CSNK2A1: variants seen among roughly 807,000 people sequenced by gnomAD.
The protein encoded by CSNK2A1 is casein kinase 2 alpha 1.
A neutral mutation model predicts 62.9 loss-of-function variants in CSNK2A1; 10 were observed. That is an observed-to-expected ratio of 0.16 (90% CI 0.10 to 0.27). The LOEUF is 0.27. Among genes scored for constraint, CSNK2A1 ranks in the 10% least tolerant of loss-of-function variants. CSNK2A1 has a pLI of 1.00. For missense variants in CSNK2A1, 160 were observed against 492.0 expected (o/e 0.33, Z 6.38); for synonymous variants, 124 against 167.8 (o/e 0.74, Z 2.02).
chr20:524,884 A>T (rs1228127558), intron 2 of CSNK2A1, among the ~76,000 whole-genome samples: 1 of 151,816 alleles, frequency 6.6e-6, no homozygotes, highest in Non-Finnish European at 1.5e-5. Flanking sequence ...GGGAGACTGA[A>T]GAGGAAAGAT....
rs1005278187 is a variant in CSNK2A1, at chr20:489,885, C to T, written c.622-4G>A. 2.0e-6 allele frequency: 3 copies of T among 1,521,780 alleles called. No individual in the cohort carries two copies. The highest frequency in any genetic ancestry group is 3.4e-5 in the Admixed American group (2 of 58,564). The allele number at this position is 1,521,780 out of a possible 1,614,324, so 94.3% of individuals were successfully genotyped here. A position where few individuals can be genotyped will look rare whatever the true frequency, so the allele number is the denominator to read the frequency against. On this transcript the variant is annotated splice_polypyrimidine_tract_variant and splice_region_variant and intron_variant, in intron 9 of 13. Coordinates refer to ENST00000217244, the MANE Select transcript of CSNK2A1 (RefSeq NM_177559.3). ...TATCCAAACTATAATCGTACATCTG[C>T]ATAAAAGTAAACTCACTGTTATTAT... is the stretch of plus-strand genomic sequence containing the variant.
At chr20:488,831 A>G in intron 10 of CSNK2A1, 53 bp from the exon 11 acceptor site, 1 of 1,484,816 alleles carries the variant, frequency 6.7e-7, no homozygotes, top group Non-Finnish European at 9.3e-7. Flanking sequence ...ATATTAACAA[A>G]TCAACAATTA....
In CSNK2A1 at chr20:492,318, T is replaced by C. The variant is rs2018252841; in HGVS notation, c.557A>G (p.Gln186Arg). The change falls in exon 9 of 14, where the codon CAA (glutamine) becomes CGA (arginine). Residue 186 changes from glutamine (Q) to arginine (R), a missense_variant. Transcript: ENST00000217244. ...GGAAGCAACTCGGACATTATATTCT[T>C]GGCCAGGATGATAAAACTCAGCCAA... The part of the protein sequence containing the change: ...WGLAEFYHPG[Q>R]EYNVRVASRY... 1 of 1,614,034 alleles carries C rather than the reference T, an allele frequency of 6.2e-7. No homozygotes were observed.
intron 2 of CSNK2A1, among the ~76,000 whole-genome samples, chr20:520,712 C>T (rs1255892964): frequency 2.0e-5 from 3 of 152,156 alleles, no homozygotes. Context: ...ATTGCCTAGG[C>T]TGGTCTCAAA....
chr20:488,794 G>A lies in CSNK2A1; in HGVS notation c.724-16C>T. On this transcript the variant is annotated splice_polypyrimidine_tract_variant and intron_variant, in intron 10 of 13. Coordinates refer to ENST00000217244, the MANE Select transcript of CSNK2A1 (RefSeq NM_177559.3). ...TCCTCACCAACTAGTATTAAAGAAA[G>A]ACAAAAACCCATATCACAAGCATAT... is the stretch of plus-strand genomic sequence containing the variant. 1 of 1,590,168 alleles carries A rather than the reference G, an allele frequency of 6.3e-7. No homozygotes were observed. Among genetic ancestry groups the A allele is most frequent in the South Asian group, 1.1e-5 (1 of 88,344 alleles).
chr20:537,871 A>G (rs983929988), intron 1 of CSNK2A1, among the ~76,000 whole-genome samples: 4 of 152,122 alleles, frequency 2.6e-5, no homozygotes, highest in African/African-American at 9.7e-5. Flanking sequence ...ATGGCAAATC[A>G]TATTGGTTTT....
At chr20:485,120 A>AT (rs2018066375) in intron 13 of CSNK2A1, among the ~76,000 whole-genome samples, 1 of 93,594 alleles carries the variant, frequency 1.1e-5, no homozygotes, top group Non-Finnish European at 2.1e-5. Flanking sequence ...ATATATATAT[A>AT]TATATATATA....
intron 1 of CSNK2A1, among the ~76,000 whole-genome samples, chr20:531,844 A>G (rs1225015004): frequency 6.6e-6 from 1 of 152,248 alleles, no homozygotes; most frequent in East Asian, 1.9e-4. Context: ...ATACAGTAGC[A>G]TTCAGAGTTA....
chr20:487,950 C>T (rs2018134926), intron 11 of CSNK2A1: 2 of 279,336 alleles, frequency 7.2e-6, no homozygotes, highest in South Asian at 5.1e-5. Flanking sequence ...GCCTTTGCAT[C>T]AGGAAAGTCC....
chr20:505,036 A>T, intron 4 of CSNK2A1, 82 bp downstream of exon 4: 1 of 1,235,558 alleles, frequency 8.1e-7, no homozygotes, highest in Non-Finnish European at 1.1e-6. Flanking sequence ...AAAACCTTTT[A>T]AATGCTGTTT....
chr20:539,587 A>G lies in CSNK2A1; in HGVS notation c.-227+4085T>C, dbSNP rs760848253. The G allele has an allele frequency of 2.0e-5, 3 of 152,194 alleles. No homozygotes were observed. In the South Asian group the frequency reaches 6.2e-4, roughly 32 times the overall value. The allele number at this position is 152,194 out of a possible 1,614,324, so 9.4% of individuals were successfully genotyped here. ...CCAGAAAATCCAAGATAATCTACCT[A>G]AGATCCTTAACTTTAATTAAATCTA... On this transcript the variant is annotated intron_variant, in intron 1 of 13. Transcript: ENST00000217244.
At chr20:505,869 A>ATTTTTTTT (rs11483032) in intron 3 of CSNK2A1, 4 of 91,990 alleles carry the variant, frequency 4.3e-5, no homozygotes, top group African/African-American at 1.4e-4. Flanking sequence ...CAAGAGAATA[A>ATTTTTTTT]TTTTTTTTTT....
chr20:542,354 T>C (rs1031964775), intron 1 of CSNK2A1, among the ~76,000 whole-genome samples: 2 of 152,268 alleles, frequency 1.3e-5, no homozygotes, highest in African/African-American at 4.8e-5. Context: ...CTAGGCAGTC[T>C]GGTTTTTAAC....
At chr20:489,974 ACTCCACTGACTC>A in intron 9 of CSNK2A1, 93 bp from the exon 10 acceptor site, 1 of 816,446 alleles carries the variant, frequency 1.2e-6, no homozygotes, top group African/African-American at 1.8e-5. Context: ...AAAAAAAATC[ACTCCACTGACTC>A]AAAATCAAAA....
Position 489,851 on chromosome 20 carries a change from A to T in CSNK2A1, c.652T>A (p.Leu218Met). 3.1e-6 allele frequency: 5 copies of T among 1,613,154 alleles called. No individual in the cohort carries two copies. The highest frequency in any genetic ancestry group is 4.2e-6 in the Non-Finnish European group (5 of 1,179,346). ...MYDYSLDMWS[L>M]GCMLASMIFR... ...ATCATACTTGCCAGCATACAACCCAAACTCCACATATCCAAACTATAATCG... is the reference window on the plus strand; with the variant it reads ...ATCATACTTGCCAGCATACAACCCATACTCCACATATCCAAACTATAATCG... The change falls in exon 10 of 14, where the codon TTG becomes ATG. Residue 218 changes from leucine (L) to methionine (M), a missense_variant. Around this residue, in one of 3 missense-constraint regions of CSNK2A1, gnomAD observed 94 missense variants for 357.6 expected, o/e 0.26. Transcript: ENST00000217244.
Position 487,590 on chromosome 20 carries a change from G to C in CSNK2A1, c.825-15C>G, listed in dbSNP as rs763779729. 6.2e-7 allele frequency: 1 copy of C among 1,614,180 alleles called. No individual in the cohort carries two copies. Among genetic ancestry groups the C allele is most frequent in the Non-Finnish European group, 8.5e-7 (1 of 1,180,018 alleles). Reference sequence around the variant, plus strand: ...TTCGAGAGTGTCTGCAGGACCAAAAGAGGGCATGAGAAATGGGCCACGTGG... The same window carrying C: ...TTCGAGAGTGTCTGCAGGACCAAAACAGGGCATGAGAAATGGGCCACGTGG... On this transcript the variant is annotated splice_polypyrimidine_tract_variant and intron_variant, in intron 11 of 13. Coordinates refer to ENST00000217244, the MANE Select transcript of CSNK2A1 (RefSeq NM_177559.3).
Position 488,620 on chromosome 20 carries a change from C to T in CSNK2A1, c.824+58G>A. The T allele has an allele frequency of 5.9e-6, 9 of 1,515,484 alleles. No homozygotes were observed. In the South Asian group the frequency reaches 6.8e-5, roughly 12 times the overall value. The allele number at this position is 1,515,484 out of a possible 1,614,324, so 93.9% of individuals were successfully genotyped here. A position where few individuals can be genotyped will look rare whatever the true frequency, so the allele number is the denominator to read the frequency against. ...ATAACTATTTTGAAGATCCTAAGTG[C>T]CAGTTCACTCTCAAAGTGCTTAAGC... On this transcript the variant is annotated intron_variant, in intron 11 of 13. Coordinates refer to ENST00000217244, the MANE Select transcript of CSNK2A1 (RefSeq NM_177559.3).
At chr20:525,569 T>C (rs556009064) in intron 2 of CSNK2A1, among the ~76,000 whole-genome samples, 4 of 144,326 alleles carry the variant, frequency 2.8e-5, no homozygotes, top group Non-Finnish European at 4.5e-5. Context: ...GAGAATGGCG[T>C]GAACCCGGGA....
In CSNK2A1 at chr20:483,291, A is replaced by G. The variant is rs550840242; in HGVS notation, c.*670T>C. Reference sequence around the variant, plus strand: ...TTTAGGGTTAGATCAGTAAGACATGATTCTTACTGAACAGAAGTTTTTAGT... The same window carrying G: ...TTTAGGGTTAGATCAGTAAGACATGGTTCTTACTGAACAGAAGTTTTTAGT... On this transcript the variant is annotated 3_prime_UTR_variant, in exon 14 of 14. Transcript: ENST00000217244. The G allele has an allele frequency of 2.0e-5, 3 of 152,328 alleles. 1 individual carries two copies. Among genetic ancestry groups the G allele is most frequent in the South Asian group, 4.1e-4 (2 of 4,828 alleles). 9.4% of individuals were successfully genotyped at this position (152,328 alleles called of 1,614,324 possible).
Sources: allele counts gnomAD v4.1 joint callset (sites outside exome capture counted in the v4.1 genomes callset), GRCh38; gene constraint gnomAD v4.1.1; regional missense constraint gnomAD v4.1.1; transcripts MANE v1.5; gene names NCBI Gene and HGNC (gene_info 2026-07-23, HGNC 2026-07-21).